The following LRIG1 variants were observed in gnomAD, a reference collection of about 807,000 sequenced individuals.
LRIG1 encodes leucine rich repeats and immunoglobulin like domains 1, also known as leucine-rich repeats and immunoglobulin-like domains protein 1.
Under a neutral mutation model 99.2 loss-of-function variants are expected in LRIG1, and 48 were observed. The observed-to-expected ratio is 0.48, with a 90% CI of 0.38 to 0.62. The LOEUF (loss-of-function observed/expected upper bound fraction) is 0.62. LRIG1 is among the 20% of genes least tolerant of loss of function. The pLI is 0.00. For missense variants in LRIG1, 1,646 were observed against 1,434.4 expected (o/e 1.15, Z -2.38); for synonymous variants, 772 against 596.1 (o/e 1.29, Z -4.30).
In LRIG1 at chr3:66,407,332, G is replaced by A. The variant is rs1702305218; in HGVS notation, c.1079+16C>T. The A allele has an allele frequency of 2.5e-6, 4 of 1,613,960 alleles. 1 individual carries two copies. Among genetic ancestry groups the A allele is most frequent in the Admixed American group, 1.7e-5 (1 of 60,028 alleles). On this transcript the variant is annotated intron_variant, in intron 8 of 18. Coordinates refer to ENST00000273261, the MANE Select transcript of LRIG1 (RefSeq NM_015541.3). ...CACTGGGGACCCCTTTATCCTGTCA[G>A]TAGTGGGAGACGTACAAGACTCGCA...
intron 1 of LRIG1, among the ~76,000 whole-genome samples, chr3:66,468,075 A>C (rs1465262314): frequency 6.6e-6 from 1 of 152,254 alleles, no homozygotes; most frequent in East Asian, 1.9e-4. Context: ...CTATAGGCTT[A>C]AACGGTATTT....
intron 1 of LRIG1, among the ~76,000 whole-genome samples, chr3:66,464,403 C>T (rs183651681): frequency 3.7e-4 from 56 of 151,962 alleles, no homozygotes; most frequent in African/African-American, 4.6e-4. Flanking sequence ...GGGGCATTTG[C>T]TTCTTGTCCC....
rs182705608 is a variant in LRIG1, at chr3:66,455,833, C to T, written c.291-4200G>A. Among the ~76,000 whole-genome samples the T allele has an allele frequency of 1.9e-4, 29 of 152,274 alleles. No individual in the cohort carries two copies. In the East Asian group the frequency reaches 5.0e-3, roughly 26 times the overall value. On this transcript the variant is annotated intron_variant, in intron 2 of 18. Coordinates refer to ENST00000273261, the MANE Select transcript of LRIG1 (RefSeq NM_015541.3). ...GACTTTATGATACGTGGTTTCTACA[C>T]AAGATAGCCAGATAAAATTATTTTA...
intron 12 of LRIG1, chr3:66,388,108 A>ATTTTG (rs1276398002): frequency 3.7e-4 from 10 of 27,104 alleles, no homozygotes; most frequent in Admixed American, 2.7e-3. Context: ...CTCTGTCTCA[A>ATTTTG]AAAAAAAAAA....
chr3:66,478,376 A>G (rs1431757271), intron 1 of LRIG1, among the ~76,000 whole-genome samples: 2 of 152,226 alleles, frequency 1.3e-5, no homozygotes, highest in African/African-American at 4.8e-5. Context: ...CAGGAGTTTC[A>G]GGGACATGAG....
chr3:66,477,704 G>A (rs775081842), intron 1 of LRIG1, among the ~76,000 whole-genome samples: 2 of 152,064 alleles, frequency 1.3e-5, no homozygotes, highest in Non-Finnish European at 2.9e-5. Flanking sequence ...TCTCACTTAA[G>A]TTCATTCTCT....
intron 3 of LRIG1, among the ~76,000 whole-genome samples, chr3:66,420,976 A>C (rs1304740384): frequency 6.6e-6 from 1 of 152,214 alleles, no homozygotes; most frequent in African/African-American, 2.4e-5. Context: ...CATGGATGGC[A>C]GCAGGCAAAA....
chr3:66,484,923 G>T (rs1412838982), intron 1 of LRIG1, among the ~76,000 whole-genome samples: 1 of 152,116 alleles, frequency 6.6e-6, no homozygotes, highest in African/African-American at 2.4e-5. Context: ...GGGAGGCCGA[G>T]GCCAGCGATT....
At chr3:66,404,641 T>C (rs532889805) in intron 9 of LRIG1, among the ~76,000 whole-genome samples, 2 of 152,102 alleles carry the variant, frequency 1.3e-5, no homozygotes, top group South Asian at 4.1e-4. Context: ...ATGAGATCAT[T>C]AGGTACAACA....
intron 3 of LRIG1, among the ~76,000 whole-genome samples, chr3:66,422,076 G>A (rs1702837024): frequency 6.6e-6 from 1 of 152,048 alleles, no homozygotes; most frequent in Non-Finnish European, 1.5e-5. Context: ...ACACAGCACA[G>A]GGACCCTGAG....
At chr3:66,481,393 A>C (rs889732060) in intron 1 of LRIG1, among the ~76,000 whole-genome samples, 2 of 152,202 alleles carry the variant, frequency 1.3e-5, no homozygotes, top group African/African-American at 4.8e-5. Flanking sequence ...TCAGAACATT[A>C]AAAGCATTGT....
chr3:66,444,010 T>C (rs1703633108), intron 3 of LRIG1, among the ~76,000 whole-genome samples: 1 of 152,066 alleles, frequency 6.6e-6, no homozygotes, highest in African/African-American at 2.4e-5. Flanking sequence ...TTAACTTCCA[T>C]CTGGAAAAAG....
At chr3:66,408,971 A>AGGG (rs1246604196) in intron 7 of LRIG1, among the ~76,000 whole-genome samples, 1 of 25,820 alleles carries the variant, frequency 3.9e-5, no homozygotes, top group African/African-American at 1.7e-4. Flanking sequence ...TGGTGGGGGG[A>AGGG]GGGGGGGAGG....
At chr3:66,435,018 A>G (rs1703306215) in intron 3 of LRIG1, among the ~76,000 whole-genome samples, 1 of 152,218 alleles carries the variant, frequency 6.6e-6, no homozygotes, top group Admixed American at 6.5e-5. Flanking sequence ...TTTTAAAAGC[A>G]GCCCCAAACT....
In LRIG1 at chr3:66,467,643, G is replaced by A. The variant is rs146127633; in HGVS notation, c.219-5134C>T. 6.6e-3 allele frequency among the ~76,000 whole-genome samples: 1,010 copies of A among 152,182 alleles called. 5 individuals are homozygous for A. The highest frequency in any genetic ancestry group is 0.01 in the Non-Finnish European group (698 of 68,000). ...CCCAAAGTGCTGGGATTACAGGCGTGAGCCACCACGCCCAGCCCACATTAG... is the reference window on the plus strand; with the variant it reads ...CCCAAAGTGCTGGGATTACAGGCGTAAGCCACCACGCCCAGCCCACATTAG... On this transcript the variant is annotated intron_variant, in intron 1 of 18. Coordinates refer to ENST00000273261, the MANE Select transcript of LRIG1 (RefSeq NM_015541.3).
chr3:66,382,162 G>A (rs757401518), intron 16 of LRIG1, 111 bp downstream of exon 16: 21 of 1,270,052 alleles, frequency 1.7e-5, no homozygotes, highest in Non-Finnish European at 2.2e-5. Flanking sequence ...ACTTCACCAA[G>A]TTTGCCCCAT....
chr3:66,451,987 C>A (rs1559806133), intron 2 of LRIG1, among the ~76,000 whole-genome samples: 1 of 152,130 alleles, frequency 6.6e-6, no homozygotes. Context: ...GAGAACACTC[C>A]CCGTGGGCCG....
In LRIG1 at chr3:66,381,511, T is replaced by A. The variant is rs376305535; in HGVS notation, c.2738A>T (p.Lys913Ile). ...YHKEPWKAME[K>I]AEGTPGPHKM... ...ATGTGGCCCAGGTGTCCCTTCAGCT[T>A]TCTCCATCGCTTTCCACGGCTCTTT... Residue 913 changes from lysine to isoleucine, a missense_variant, in exon 17 of 19, where the codon AAA (lysine) becomes ATA (isoleucine). By Grantham distance (102) the Lys-to-Ile change is moderately radical. Coordinates refer to ENST00000273261, the MANE Select transcript of LRIG1 (RefSeq NM_015541.3). 7 of 1,613,844 alleles carry A rather than the reference T, an allele frequency of 4.3e-6. No homozygotes were observed. In the African/African-American group the frequency reaches 9.3e-5, roughly 22 times the overall value.
At chr3:66,460,056 G>C (rs1269822253) in intron 2 of LRIG1, among the ~76,000 whole-genome samples, 1 of 151,318 alleles carries the variant, frequency 6.6e-6, no homozygotes, top group Non-Finnish European at 1.5e-5. Flanking sequence ...TGAGTCTTTG[G>C]TGTCCCCATA....
Sources: gnomAD v4.1 joint callset for allele counts (sites outside exome capture counted in the v4.1 genomes callset) on GRCh38, gnomAD v4.1.1 for gene constraint, MANE v1.5 for transcripts, NCBI Gene and HGNC (gene_info 2026-07-23, HGNC 2026-07-21) for gene names.